IL34: variants seen among roughly 807,000 people sequenced by gnomAD.
The protein encoded by IL34 is interleukin-34.
Under a neutral mutation model 25.3 loss-of-function variants are expected in IL34, and 17 were observed. The ratio of observed to expected loss-of-function variants is 0.67; its 90% CI spans 0.46 to 1.01. IL34 has a LOEUF of 1.01. Among genes scored for constraint, IL34 ranks in the 50% least tolerant of loss-of-function variants. The pLI is 0.00. For synonymous variants in IL34, 174 were observed against 140.9 expected, an observed-to-expected ratio of 1.23 and a Z score of -1.66; for missense variants, 368 against 312.9, an observed-to-expected ratio of 1.18 and a Z score of -1.33.
At chr16:70,651,335 A>G (rs913085426) in intron 1 of IL34, among the ~76,000 whole-genome samples, 2 of 152,186 alleles carry the variant, frequency 1.3e-5, no homozygotes, top group Admixed American at 6.5e-5. Context: ...TAGGACAGAA[A>G]GTAAGCAGAT....
intron 1 of IL34, among the ~76,000 whole-genome samples, chr16:70,593,693 A>AT (rs1360207815): frequency 3.3e-5 from 5 of 150,804 alleles, no homozygotes; most frequent in African/African-American, 1.2e-4. Flanking sequence ...TTTTTTTTGT[A>AT]TTTTTTCTTT....
At chr16:70,641,118 A>AG (rs2051772113) in intron 1 of IL34, among the ~76,000 whole-genome samples, 1 of 73,836 alleles carries the variant, frequency 1.4e-5, no homozygotes. Context: ...CTAAACATAC[A>AG]AAAAAATCAG....
At chr16:70,614,183 C>A (rs201005278) in intron 1 of IL34, among the ~76,000 whole-genome samples, 86 of 131,090 alleles carry the variant, frequency 6.6e-4, no homozygotes, top group South Asian at 1.5e-3. Flanking sequence ...AACCCTGTCT[C>A]AAAAAAAAAA....
chr16:70,597,339 G>A (rs2050838141), intron 1 of IL34, among the ~76,000 whole-genome samples: 1 of 151,896 alleles, frequency 6.6e-6, no homozygotes, highest in African/African-American at 2.4e-5. Context: ...TCCTGCCTCA[G>A]CCTCCCATGT....
At position 70,646,924 on chromosome 16, in the gene IL34, C is replaced by A; in HGVS notation, c.-24C>A. The A allele has an allele frequency of 2.0e-6, 3 of 1,480,184 alleles. No individual in the cohort carries two copies. Among genetic ancestry groups the A allele is most frequent in the Non-Finnish European group, 2.7e-6 (3 of 1,120,352 alleles). The allele number at this position is 1,480,184 out of a possible 1,614,324, so 91.7% of individuals were successfully genotyped here. ...CACTGCTGGGGACGGCGCCTGAGCT[C>A]TCAGGGGGACGAGGAACACCACCAT... On this transcript the variant is annotated 5_prime_UTR_variant, in exon 1 of 6. Coordinates refer to ENST00000288098, the MANE Select transcript of IL34 (RefSeq NM_001393494.1).
Position 70,653,707 on chromosome 16 carries a change from C to T in IL34, c.29-831C>T, listed in dbSNP as rs559190051. Among the ~76,000 whole-genome samples, 5 of 152,204 alleles carry T rather than the reference C, an allele frequency of 3.3e-5. No individual in the cohort carries two copies. In the South Asian group the frequency reaches 1.0e-3, roughly 32 times the overall value. On this transcript the variant is annotated intron_variant, in intron 1 of 5. Transcript: ENST00000288098. ...AAAAAAAGAAAAAGAAAAATTATATCTGATTGTTTTAATGTGAATTTATTT... is the reference window on the plus strand; with the variant it reads ...AAAAAAAGAAAAAGAAAAATTATATTTGATTGTTTTAATGTGAATTTATTT...
intron 1 of IL34, among the ~76,000 whole-genome samples, chr16:70,599,318 T>TTC (rs1162426050): frequency 1.1e-4 from 7 of 61,178 alleles, no homozygotes; most frequent in East Asian, 4.5e-4. Flanking sequence ...CTTTCTTTCT[T>TTC]TTCTTTCTTT....
intron 1 of IL34, among the ~76,000 whole-genome samples, chr16:70,630,040 C>T (rs1278795215): frequency 6.6e-6 from 1 of 152,214 alleles, no homozygotes; most frequent in African/African-American, 2.4e-5. Context: ...AACTGTCCTT[C>T]TACTCTCTAT....
intron 1 of IL34, among the ~76,000 whole-genome samples, chr16:70,614,044 C>T (rs565488055): frequency 8.7e-4 from 132 of 151,784 alleles, no homozygotes; most frequent in South Asian, 2.7e-3. Context: ...ATTATCCAGG[C>T]GTGGTGGTGC....
At chr16:70,606,512 C>T (rs1209937147) in intron 1 of IL34, among the ~76,000 whole-genome samples, 1 of 152,180 alleles carries the variant, frequency 6.6e-6, no homozygotes, top group East Asian at 1.9e-4. Flanking sequence ...GCCGACTCTC[C>T]ACCCTCAACC....
intron 1 of IL34, among the ~76,000 whole-genome samples, chr16:70,612,640 A>C (rs957999208): frequency 2.0e-5 from 3 of 152,212 alleles, no homozygotes; most frequent in African/African-American, 4.8e-5. Flanking sequence ...TCAATCTCTA[A>C]TTGAAGGGAC....
chr16:70,608,832 TCTGGGAAG>T (rs774542889), intron 1 of IL34, among the ~76,000 whole-genome samples: 5 of 152,164 alleles, frequency 3.3e-5, no homozygotes, highest in Admixed American at 2.0e-4. Flanking sequence ...AGTCTCTGCA[TCTGGGAAG>T]CTGGGAAGCA....
Position 70,651,184 on chromosome 16 carries a change from G to T in IL34, c.29-3354G>T, listed in dbSNP as rs558639417. On this transcript the variant is annotated intron_variant, in intron 1 of 5. Transcript: ENST00000288098. ...AGGGGAGACCCTGGCGTGGTGATGG[G>T]GGGGAGAGAAGAGTCTCTGGGAGGC... Among the ~76,000 whole-genome samples the T allele has an allele frequency of 6.6e-5, 10 of 152,234 alleles. No homozygotes were observed. The East Asian group carries it at 9.6e-4, about 15-fold the overall frequency.
chr16:70,656,661 C>A lies in IL34; in HGVS notation c.222C>A (p.Ile74=). 7.1e-7 allele frequency: 1 copy of A among 1,414,798 alleles called. No individual in the cohort carries two copies. The highest frequency in any genetic ancestry group is 1.0e-6 in the Non-Finnish European group (1 of 997,946). The allele number at this position is 1,414,798 out of a possible 1,614,324, so 87.6% of individuals were successfully genotyped here. A position where few individuals can be genotyped will look rare whatever the true frequency, so the allele number is the denominator to read the frequency against. The change falls in exon 3 of 6, where the codon ATC becomes ATA. Residue 74 remains isoleucine (I), a synonymous_variant. Transcript: ENST00000288098. ...TGCCTTACGAGGGGGTGTTCAGAAT[C>A]GCCAACGTCACCAGGCTGGTGAGAA... is the stretch of plus-strand genomic sequence containing the variant. ...ISVPYEGVFR[I]ANVTRLQRAQ...
intron 1 of IL34, among the ~76,000 whole-genome samples, chr16:70,623,810 A>G (rs1261872311): frequency 6.6e-6 from 1 of 150,986 alleles, no homozygotes; most frequent in Non-Finnish European, 1.5e-5. Flanking sequence ...AGGAGTGCTT[A>G]AAAGAGTATC....
At chr16:70,651,952 C>T (rs1567465331) in intron 1 of IL34, among the ~76,000 whole-genome samples, 4 of 151,292 alleles carry the variant, frequency 2.6e-5, no homozygotes, top group Admixed American at 2.6e-4. Flanking sequence ...GGTGAAACCC[C>T]GTCTGTACTA....
chr16:70,615,857 G>A (rs1381356809), intron 1 of IL34, among the ~76,000 whole-genome samples: 1 of 152,108 alleles, frequency 6.6e-6, no homozygotes, highest in Non-Finnish European at 1.5e-5. Flanking sequence ...GAAGACTGAG[G>A]TGGGAGGATC....
At chr16:70,595,165 T>G (rs2151811850) in intron 1 of IL34, among the ~76,000 whole-genome samples, 1 of 152,284 alleles carries the variant, frequency 6.6e-6, no homozygotes, top group South Asian at 2.1e-4. Flanking sequence ...TTTGCCATGT[T>G]GGCCAGGCTG....
chr16:70,644,694 GTGA>G (rs2051864889), upstream of IL34, among the ~76,000 whole-genome samples: 1 of 143,784 alleles, frequency 7.0e-6, no homozygotes, highest in African/African-American at 2.6e-5. Context: ...AATTGCCAGG[GTGA>G]GGAGGAGGAG....
Sources: gnomAD v4.1 joint callset for allele counts (sites outside exome capture counted in the v4.1 genomes callset) on GRCh38, gnomAD v4.1.1 for gene constraint, MANE v1.5 for transcripts, NCBI Gene and HGNC (gene_info 2026-07-23, HGNC 2026-07-21) for gene names.